The following SPAG9 variants were observed in gnomAD, a reference collection of about 807,000 sequenced individuals.
SPAG9 encodes C-Jun-amino-terminal kinase-interacting protein 4.
A neutral mutation model predicts 166.5 loss-of-function variants in SPAG9; 35 were observed. That is an observed-to-expected ratio of 0.21 (90% CI 0.16 to 0.28). SPAG9 has a LOEUF of 0.28. SPAG9 is among the 10% of genes least tolerant of loss of function. SPAG9 has a pLI of 1.00. For synonymous variants in SPAG9, 534 were observed against 565.5 expected, an observed-to-expected ratio of 0.94 and a Z score of 0.79; for missense variants, 1,235 against 1,603.3, an observed-to-expected ratio of 0.77 and a Z score of 3.92.
chr17:51,082,268 G>C (rs986304091), intron 1 of SPAG9, among the ~76,000 whole-genome samples: 63 of 151,400 alleles, frequency 4.2e-4, no homozygotes, highest in African/African-American at 1.5e-3. Context: ...CCAGCTACTC[G>C]GGAGGCTGAG....
intron 1 of SPAG9, among the ~76,000 whole-genome samples, chr17:51,092,217 A>C (rs890075316): frequency 2.6e-5 from 4 of 152,098 alleles, no homozygotes; most frequent in Non-Finnish European, 5.9e-5. Context: ...ATAAGACAGG[A>C]TTGAAGACCA....
chr17:51,106,974 C>T (rs2048968376), intron 1 of SPAG9, among the ~76,000 whole-genome samples: 2 of 150,616 alleles, frequency 1.3e-5, no homozygotes, highest in South Asian at 2.1e-4. Context: ...TGGCGGTGCA[C>T]GCCTGTAGTC....
chr17:51,018,168 T>C (rs1598004950), intron 8 of SPAG9, among the ~76,000 whole-genome samples: 1 of 150,764 alleles, frequency 6.6e-6, no homozygotes, highest in East Asian at 1.9e-4. Flanking sequence ...CTGGCCAACA[T>C]GGTAAAACCC....
At chr17:51,108,628 CT>C (rs2049020486) in intron 1 of SPAG9, among the ~76,000 whole-genome samples, 1 of 151,876 alleles carries the variant, frequency 6.6e-6, no homozygotes, top group Admixed American at 6.6e-5. Context: ...TCTCAAGTAG[CT>C]GGAGCCACAG....
intron 1 of SPAG9, 101 bp from the exon 2 acceptor site, chr17:51,079,805 T>G (rs1439381052): frequency 1.6e-5 from 12 of 745,484 alleles, no homozygotes; most frequent in Middle Eastern, 4.1e-4. Context: ...AGGTATTAAC[T>G]ACTTAGATCT....
chr17:51,020,539 G>A (rs573446503), intron 7 of SPAG9, among the ~76,000 whole-genome samples: 1 of 152,172 alleles, frequency 6.6e-6, no homozygotes, highest in African/African-American at 2.4e-5. Flanking sequence ...TTAAAAGATG[G>A]AATTTAAAGG....
At position 50,982,512 on chromosome 17, in the gene SPAG9, C is replaced by T; in HGVS notation, c.3237+12G>A. ...ATTCAATAAATACAGAAAACATAGG[C>T]TAATAACTTGCCTCTATTTTCATGG... On this transcript the variant is annotated intron_variant, in intron 25 of 29. Coordinates refer to ENST00000262013, the MANE Select transcript of SPAG9 (RefSeq NM_001130528.3). 2 of 1,604,338 alleles carry T rather than the reference C, an allele frequency of 1.2e-6. No individual in the cohort carries two copies. The highest frequency in any genetic ancestry group is 2.2e-5 in the East Asian group (1 of 44,822).
At chr17:51,030,751 T>C (rs1224675070) in intron 6 of SPAG9, among the ~76,000 whole-genome samples, 1 of 152,130 alleles carries the variant, frequency 6.6e-6, no homozygotes, top group Non-Finnish European at 1.5e-5. Context: ...GGTATGAATG[T>C]CCTAACTCTG....
At chr17:51,004,019 A>G (rs1293238178) in intron 12 of SPAG9, among the ~76,000 whole-genome samples, 2 of 152,282 alleles carry the variant, frequency 1.3e-5, no homozygotes, top group Admixed American at 6.5e-5. Context: ...AATATGAATG[A>G]TAACTACAGC....
chr17:51,004,220 C>T (rs1389568404), intron 12 of SPAG9, among the ~76,000 whole-genome samples: 1 of 152,024 alleles, frequency 6.6e-6, no homozygotes, highest in African/African-American at 2.4e-5. Flanking sequence ...AGGGGAGGAA[C>T]ACAGAATAGT....
chr17:50,995,092 G>C lies in SPAG9; in HGVS notation c.2191C>G (p.Gln731Glu). 3 of 1,613,864 alleles carry C rather than the reference G, an allele frequency of 1.9e-6. No individual in the cohort carries two copies. Among genetic ancestry groups the C allele is most frequent in the Non-Finnish European group, 2.5e-6 (3 of 1,179,870 alleles). ...TEGSKQRSAS[Q>E]SSLDKLDQEL... ...TGATCTAACTTATCTAAACTACTCT[G>C]AGAGGCACTTCGCTGTTTACTGCCT... Residue 731 changes from glutamine (Q) to glutamate (E), a missense_variant, in exon 18 of 30, where the codon CAG becomes GAG. Gln to Glu is a conservative substitution (Grantham distance 29). Coordinates refer to ENST00000262013, the MANE Select transcript of SPAG9 (RefSeq NM_001130528.3).
intron 2 of SPAG9, among the ~76,000 whole-genome samples, chr17:51,066,380 A>C (rs1471231476): frequency 6.6e-6 from 1 of 151,842 alleles, no homozygotes; most frequent in African/African-American, 2.4e-5. Context: ...CAAAATACTG[A>C]GATTACAGGT....
intron 28 of SPAG9, among the ~76,000 whole-genome samples, 168 bp from the exon 29 acceptor site, chr17:50,971,024 G>T (rs1485660999): frequency 6.6e-6 from 1 of 151,988 alleles, no homozygotes; most frequent in Non-Finnish European, 1.5e-5. Context: ...TTTACATGAA[G>T]GTTTTAAGAA....
Position 51,014,346 on chromosome 17 carries a change from T to A in SPAG9, c.1099A>T (p.Thr367Ser). ...AAAGCTTTGTTCTCTATGCCTTTGG[T>A]GGGAGTGCTATGCAACAAGAACAAC... is the stretch of plus-strand genomic sequence containing the variant. ...LSGYKGSSTP[T>S]KGIENKAFDR... The change falls in exon 9 of 30, where the codon ACC (threonine) becomes TCC (serine). Residue 367 changes from threonine (T) to serine (S), a missense_variant. Coordinates refer to ENST00000262013, the MANE Select transcript of SPAG9 (RefSeq NM_001130528.3). 1 of 1,610,224 alleles carries A rather than the reference T, an allele frequency of 6.2e-7. No individual in the cohort carries two copies. Among genetic ancestry groups the A allele is most frequent in the Non-Finnish European group, 8.5e-7 (1 of 1,178,370 alleles).
intron 2 of SPAG9, among the ~76,000 whole-genome samples, chr17:51,074,615 T>C (rs2047915697): frequency 6.6e-6 from 1 of 152,198 alleles, no homozygotes; most frequent in Admixed American, 6.5e-5. Context: ...ATAAAGTTTT[T>C]AGATCAAATT....
At chr17:51,021,891 G>A (rs1238264127) in intron 6 of SPAG9, among the ~76,000 whole-genome samples, 1 of 152,074 alleles carries the variant, frequency 6.6e-6, no homozygotes, top group African/African-American at 2.4e-5. Context: ...TTGGGAGGCC[G>A]AGGCAGGCGG....
In SPAG9 at chr17:51,108,085, A is replaced by G. The variant is rs1052675197; in HGVS notation, c.303+12269T>C. On this transcript the variant is annotated intron_variant, in intron 1 of 29. Coordinates refer to ENST00000262013, the MANE Select transcript of SPAG9 (RefSeq NM_001130528.3). ...ATATCCTGGAAATACATGATTTAAG[A>G]AAAAAAAAAAAAAAAGATGGCCATG... 4.7e-4 allele frequency among the ~76,000 whole-genome samples: 56 copies of G among 119,474 alleles called. 1 individual carries two copies. Among genetic ancestry groups the G allele is most frequent in the Non-Finnish European group, 5.1e-4 (26 of 51,312 alleles). The allele number at this position is 119,474 out of a possible 152,430, so 78.4% of individuals were successfully genotyped here.
intron 19 of SPAG9, 29 bp from the exon 20 acceptor site, chr17:50,990,697 A>G: frequency 6.4e-7 from 1 of 1,560,880 alleles, no homozygotes; most frequent in Non-Finnish European, 8.8e-7. Flanking sequence ...TGTAACAGCA[A>G]AGTAAACTTC....
chr17:51,074,335 G>C (rs1049491261), intron 2 of SPAG9, among the ~76,000 whole-genome samples: 2 of 152,208 alleles, frequency 1.3e-5, no homozygotes, highest in South Asian at 2.1e-4. Context: ...TGAGGCAGGA[G>C]AATTGCTTGA....
Sources: gnomAD v4.1 joint callset for allele counts (sites outside exome capture counted in the v4.1 genomes callset) on GRCh38, gnomAD v4.1.1 for gene constraint, MANE v1.5 for transcripts, NCBI Gene and HGNC (gene_info 2026-07-23, HGNC 2026-07-21) for gene names.